SNRPN: variants seen among roughly 807,000 people sequenced by gnomAD.
The protein encoded by SNRPN is small nuclear ribonucleoprotein-associated protein N.
A neutral mutation model predicts 25.2 loss-of-function variants in SNRPN; 7 were observed. The ratio of observed to expected loss-of-function variants is 0.28; its 90% confidence interval spans 0.16 to 0.52. The LOEUF (loss-of-function observed/expected upper bound fraction) is 0.52, where lower values mean the gene tolerates loss of function less well. Among genes scored for constraint, SNRPN ranks in the 20% least tolerant of loss-of-function variants. The pLI is 0.96. For missense variants in SNRPN, 196 were observed against 322.5 expected (o/e 0.61, Z 3.00); for synonymous variants, 124 against 110.6 (o/e 1.12, Z -0.76).
rs571125864 is a variant in SNRPN, at chr15:24,872,301, A to G, written c.-578-14215A>G. Among the ~76,000 whole-genome samples, 6 of 116,916 alleles carry G rather than the reference A, an allele frequency of 5.1e-5. 1 individual carries two copies. Among genetic ancestry groups the G allele is most frequent in the African/African-American group, 1.1e-4 (4 of 34,804 alleles). 76.7% of individuals were successfully genotyped at this position (116,916 alleles called of 152,430 possible). On this transcript the variant is annotated intron_variant, in intron 1 of 11. Coordinates refer to the SNRPN transcript ENST00000400097. ...TCCTGCCTCAGCCTCCCAAGAGGCT[A>G]GGATTACAGGTGCCTGCCACCACAC...
At chr15:24,948,186 T>C (rs2062003390) in intron 3 of SNRPN, among the ~76,000 whole-genome samples, 1 of 152,188 alleles carries the variant, frequency 6.6e-6, no homozygotes, top group Non-Finnish European at 1.5e-5. Context: ...TGATCTTGGC[T>C]CACTGCAACC....
upstream of SNRPN, among the ~76,000 whole-genome samples, chr15:24,951,490 C>T (rs2062268998): frequency 6.6e-6 from 1 of 151,262 alleles, no homozygotes. Context: ...ATGTTTTTGT[C>T]CTTTTATTGT....
chr15:24,969,388 C>CA (rs35342254), intron 3 of SNRPN, among the ~76,000 whole-genome samples: 48,950 of 152,040 alleles, frequency 0.32, 8,439 homozygotes, highest in East Asian at 0.52. Context: ...CTTGGCCTCT[C>CA]AAAGTGCTGG....
At chr15:24,845,266 C>G (rs1032354125) in intron 2 of SNRPN, among the ~76,000 whole-genome samples, 3 of 152,062 alleles carry the variant, frequency 2.0e-5, no homozygotes, top group Non-Finnish European at 4.4e-5. Flanking sequence ...ATCCTTACAC[C>G]AATACCACAC....
chr15:24,889,245 G>C (rs1409075266), intron 2 of SNRPN, among the ~76,000 whole-genome samples: 1 of 151,726 alleles, frequency 6.6e-6, no homozygotes, highest in Non-Finnish European at 1.5e-5. Context: ...AGAAGAAAAA[G>C]AAAATTTGAT....
intron 2 of SNRPN, chr15:24,967,291 T>G (rs2153570008): frequency 6.5e-6 from 1 of 153,408 alleles, no homozygotes; most frequent in East Asian, 1.9e-4. Flanking sequence ...TGTGTAGAGA[T>G]TCCTGTTTTG....
intron 1 of SNRPN, among the ~76,000 whole-genome samples, chr15:24,863,351 C>T (rs1427958227): frequency 6.6e-6 from 1 of 150,766 alleles, no homozygotes; most frequent in Non-Finnish European, 1.5e-5. Context: ...AGAAGGACAG[C>T]AGGTAACTTT....
intron 1 of SNRPN, among the ~76,000 whole-genome samples, chr15:24,877,345 T>C (rs1027428896): frequency 3.3e-5 from 5 of 152,272 alleles, no homozygotes; most frequent in Non-Finnish European, 5.9e-5. Context: ...ACACTAGCTT[T>C]AGGGAATGAA....
intron 3 of SNRPN, among the ~76,000 whole-genome samples, chr15:24,946,294 G>A (rs990015571): frequency 3.3e-5 from 5 of 152,084 alleles, no homozygotes; most frequent in African/African-American, 9.7e-5. Flanking sequence ...GTAATCCCAG[G>A]TACTCAGAAG....
At chr15:24,872,135 C>A (rs998660179) in intron 1 of SNRPN, among the ~76,000 whole-genome samples, 3 of 120,550 alleles carry the variant, frequency 2.5e-5, no homozygotes, top group African/African-American at 8.5e-5. Flanking sequence ...ATCTTAGAAA[C>A]CATTAATTTC....
At chr15:24,965,286 C>T (rs548059108) in intron 2 of SNRPN, among the ~76,000 whole-genome samples, 3 of 152,142 alleles carry the variant, frequency 2.0e-5, no homozygotes, top group African/African-American at 7.2e-5. Context: ...GCCTGTAATC[C>T]CAGCACTTTG....
upstream of SNRPN, among the ~76,000 whole-genome samples, chr15:24,855,574 GA>G (rs1215932279): frequency 6.6e-6 from 1 of 152,060 alleles, no homozygotes; most frequent in East Asian, 1.9e-4. Flanking sequence ...CAGATCACGT[GA>G]GGTCAGAAGT....
intron 1 of SNRPN, among the ~76,000 whole-genome samples, chr15:24,884,542 C>T (rs2057017400): frequency 6.6e-6 from 1 of 152,140 alleles, no homozygotes; most frequent in Non-Finnish European, 1.5e-5. Flanking sequence ...CCACGTTTCT[C>T]ACCACTGTGC....
chr15:24,857,893 C>T (rs1051861725), intron 1 of SNRPN, among the ~76,000 whole-genome samples: 1 of 151,882 alleles, frequency 6.6e-6, no homozygotes, highest in African/African-American at 2.4e-5. Flanking sequence ...GGTAGGGGGT[C>T]GGAAAGTGGG....
At chr15:24,841,033 G>A (rs1595400511) in intron 2 of SNRPN, among the ~76,000 whole-genome samples, 1 of 151,996 alleles carries the variant, frequency 6.6e-6, no homozygotes, top group Non-Finnish European at 1.5e-5. Flanking sequence ...TAGAGACGGG[G>A]TTTCACCATG....
rs2076453804 is a variant in SNRPN at position 24,971,908 on chromosome 15, T to TCCTTAA, written c.-143-2399_-143-2398insAACCTT. 2.0e-5 allele frequency among the ~76,000 whole-genome samples: 3 copies of TCCTTAA among 152,330 alleles called. No individual in the cohort carries two copies. The South Asian group carries it at 6.2e-4, about 32-fold the overall frequency. Reference sequence around the variant, plus strand: ...CTGTCTTGCTCATTCACAGTCATGATCCTTGTTGTCTCTTTGGATGGCTGA... The same window carrying TCCTTAA: ...CTGTCTTGCTCATTCACAGTCATGATCCTTAACCTTGTTGTCTCTTTGGATGGCTGA... On this transcript the variant is annotated intron_variant, in intron 3 of 9. Coordinates refer to ENST00000390687, the MANE Select transcript of SNRPN (RefSeq NM_003097.6).
intron 1 of SNRPN, among the ~76,000 whole-genome samples, chr15:24,961,757 G>C (rs1025300517): frequency 1.3e-5 from 2 of 152,058 alleles, no homozygotes; most frequent in African/African-American, 4.8e-5. Flanking sequence ...CAGGTTTACT[G>C]TTTTTGGGGG....
intron 1 of SNRPN, among the ~76,000 whole-genome samples, chr15:24,863,540 A>G (rs2054215310): frequency 6.6e-6 from 1 of 150,668 alleles, no homozygotes; most frequent in Non-Finnish European, 1.5e-5. Context: ...TTCTGAGACC[A>G]TAACATGTAT....
chr15:24,961,493 C>T (rs2074802169), intron 1 of SNRPN, among the ~76,000 whole-genome samples: 1 of 152,090 alleles, frequency 6.6e-6, no homozygotes, highest in Non-Finnish European at 1.5e-5. Context: ...ATTTCATGTT[C>T]TGTTCCCTTG....
Sources: gnomAD v4.1 joint callset for allele counts (sites outside exome capture counted in the v4.1 genomes callset) on GRCh38, gnomAD v4.1.1 for gene constraint, MANE v1.5 for transcripts, NCBI Gene and HGNC (gene_info 2026-07-23, HGNC 2026-07-21) for gene names.